STXBP5: variants seen among roughly 807,000 people sequenced by gnomAD.
STXBP5 encodes syntaxin-binding protein 5.
STXBP5 carries 50 observed loss-of-function variants against 152.4 expected under a neutral mutation model. The observed-to-expected ratio is 0.33, with a 90% CI of 0.26 to 0.42. The LOEUF is 0.42. Among genes scored for constraint, STXBP5 ranks in the 10% least tolerant of loss-of-function variants. The pLI is 1.00. For synonymous variants in STXBP5, 492 were observed against 494.7 expected, an observed-to-expected ratio of 0.99 and a Z score of 0.07; for missense variants, 1,167 against 1,388.6, an observed-to-expected ratio of 0.84 and a Z score of 2.54.
At chr6:147,220,994 A>G (rs1052740918) in intron 2 of STXBP5, among the ~76,000 whole-genome samples, 1 of 151,908 alleles carries the variant, frequency 6.6e-6, no homozygotes, top group African/African-American at 2.4e-5. Context: ...TGACCATTTT[A>G]TATGGTTCCA....
intron 26 of STXBP5, among the ~76,000 whole-genome samples, chr6:147,379,107 G>A (rs1385002017): frequency 6.7e-6 from 1 of 148,660 alleles, no homozygotes. Flanking sequence ...CCCACAGCTG[G>A]AAAAAAAAAA....
At chr6:147,354,149 A>G (rs1784714680) in intron 22 of STXBP5, among the ~76,000 whole-genome samples, 1 of 152,150 alleles carries the variant, frequency 6.6e-6, no homozygotes, top group African/African-American at 2.4e-5. Context: ...GCATTAGCCC[A>G]CACCCCTCAC....
chr6:147,253,460 G>C (rs1272625300), intron 4 of STXBP5, among the ~76,000 whole-genome samples: 1 of 152,154 alleles, frequency 6.6e-6, no homozygotes, highest in Non-Finnish European at 1.5e-5. Context: ...GGCCGAGGCA[G>C]TCAGGCAAGA....
chr6:147,311,062 T>C (rs933447964), intron 10 of STXBP5, among the ~76,000 whole-genome samples: 1 of 152,180 alleles, frequency 6.6e-6, no homozygotes, highest in East Asian at 1.9e-4. Flanking sequence ...TAATGTATTT[T>C]ACAGTTATTG....
At chr6:147,252,851 C>T (rs764920297) in intron 4 of STXBP5, among the ~76,000 whole-genome samples, 6 of 152,116 alleles carry the variant, frequency 3.9e-5, no homozygotes, top group African/African-American at 1.2e-4. Flanking sequence ...CAGGACCAAA[C>T]GGATTCACAG....
rs140833846 is a variant in STXBP5, at chr6:147,271,042, G to A, written c.714+3875G>A. Among the ~76,000 whole-genome samples, 1,229 of 152,208 alleles carry A rather than the reference G, an allele frequency of 8.1e-3. 5 individuals are homozygous for A. The highest frequency in any genetic ancestry group is 0.013 in the Admixed American group (202 of 15,294). On this transcript the variant is annotated intron_variant, in intron 7 of 27. Coordinates refer to ENST00000321680, the MANE Select transcript of STXBP5 (RefSeq NM_001127715.4). ...TGAGATTTTAAAAATATTCAATCCA[G>A]AGGAAGGTAGAAGGGAACAAAGAAT...
chr6:147,294,408 A>G (rs1463831281), intron 9 of STXBP5, among the ~76,000 whole-genome samples: 2 of 152,056 alleles, frequency 1.3e-5, no homozygotes, highest in African/African-American at 2.4e-5. Context: ...ATAAATATAT[A>G]AAGCACTTGT....
intron 9 of STXBP5, among the ~76,000 whole-genome samples, chr6:147,306,115 G>A (rs1782079513): frequency 6.6e-6 from 1 of 152,202 alleles, no homozygotes; most frequent in African/African-American, 2.4e-5. Context: ...CTGGCCATGT[G>A]TGGGAAGCAT....
chr6:147,371,591 A>C (rs1482402283), intron 25 of STXBP5, among the ~76,000 whole-genome samples: 1 of 152,146 alleles, frequency 6.6e-6, no homozygotes, highest in Non-Finnish European at 1.5e-5. Flanking sequence ...GACTAATTTG[A>C]CTAAGAGTCT....
intron 18 of STXBP5, among the ~76,000 whole-genome samples, chr6:147,332,249 AACAG>A (rs1314633904): frequency 1.3e-5 from 2 of 152,212 alleles, no homozygotes; most frequent in Non-Finnish European, 2.9e-5. Context: ...TAGGCAGCAA[AACAG>A]ACAAAATTCT....
intron 7 of STXBP5, among the ~76,000 whole-genome samples, chr6:147,276,905 A>C (rs373809037): frequency 6.6e-6 from 1 of 152,236 alleles, no homozygotes; most frequent in African/African-American, 2.4e-5. Flanking sequence ...TATGGTTTCT[A>C]CTGAATGTAT....
In STXBP5 at chr6:147,235,225, A is replaced by C. The variant is rs752841014; in HGVS notation, c.249-25A>C. On this transcript the variant is annotated intron_variant, in intron 2 of 27. Coordinates refer to ENST00000321680, the MANE Select transcript of STXBP5 (RefSeq NM_001127715.4). ...TTCTCAAAACCGAACAAATACCATAAACTCCTTAATGGAATTAATTACAGC... is the reference window on the plus strand; with the variant it reads ...TTCTCAAAACCGAACAAATACCATACACTCCTTAATGGAATTAATTACAGC... 4.4e-6 allele frequency: 7 copies of C among 1,607,664 alleles called. No homozygotes were observed. In the South Asian group the frequency reaches 7.7e-5, roughly 18 times the overall value.
At chr6:147,314,424 G>C in intron 13 of STXBP5, 93 bp downstream of exon 13, 1 of 1,329,930 alleles carries the variant, frequency 7.5e-7, no homozygotes, top group Non-Finnish European at 1.1e-6. Flanking sequence ...GACAGGTAGA[G>C]CTTTCCTTTA....
At chr6:147,299,654 A>G (rs949301095) in intron 9 of STXBP5, among the ~76,000 whole-genome samples, 1 of 152,062 alleles carries the variant, frequency 6.6e-6, no homozygotes, top group Non-Finnish European at 1.5e-5. Flanking sequence ...TATCAACAGT[A>G]CCTCTCTGAT....
chr6:147,307,697 C>T (rs1582920559), intron 9 of STXBP5, among the ~76,000 whole-genome samples: 1 of 152,048 alleles, frequency 6.6e-6, no homozygotes, highest in Non-Finnish European at 1.5e-5. Context: ...CATAAAATAA[C>T]ACAAGTAAAA....
intron 25 of STXBP5, 107 bp from the exon 26 acceptor site, chr6:147,373,624 C>G: frequency 1.4e-6 from 1 of 713,508 alleles, no homozygotes; most frequent in Non-Finnish European, 2.4e-6. Flanking sequence ...TGAATCTCAA[C>G]AGGTAATGTT....
chr6:147,300,121 A>G (rs141309770), intron 9 of STXBP5, among the ~76,000 whole-genome samples: 15 of 152,210 alleles, frequency 9.9e-5, no homozygotes, highest in Non-Finnish European at 1.8e-4. Context: ...AAAGATCTCT[A>G]CACTGATAAC....
At chr6:147,249,211 C>A (rs1778968292) in intron 4 of STXBP5, among the ~76,000 whole-genome samples, 1 of 151,716 alleles carries the variant, frequency 6.6e-6, no homozygotes, top group Non-Finnish European at 1.5e-5. Context: ...AATGGGTATT[C>A]TTTTAAGCCA....
At chr6:147,212,347 T>A (rs528449603) in intron 2 of STXBP5, among the ~76,000 whole-genome samples, 2 of 152,348 alleles carry the variant, frequency 1.3e-5, no homozygotes, top group Non-Finnish European at 2.9e-5. Flanking sequence ...TGGTTTTCAG[T>A]ATGATTCATT....
Sources: gnomAD v4.1 joint callset for allele counts (sites outside exome capture counted in the v4.1 genomes callset) on GRCh38, gnomAD v4.1.1 for gene constraint, MANE v1.5 for transcripts, NCBI Gene and HGNC (gene_info 2026-07-23, HGNC 2026-07-21) for gene names.